The following C9 variants were observed in gnomAD, a reference collection of about 807,000 sequenced individuals.
C9 encodes complement C9.
Under a neutral mutation model 65.4 loss-of-function variants are expected in C9, and 63 were observed. That is an observed-to-expected ratio of 0.96 (90% CI 0.79 to 1.19). The LOEUF (loss-of-function observed/expected upper bound fraction) is 1.19. Among genes scored for constraint, C9 ranks in the 50% most tolerant of loss-of-function variants. The pLI, the probability that C9 is intolerant of heterozygous loss-of-function variation, is 0.00. For missense variants in C9, 744 were observed against 670.1 expected, an observed-to-expected ratio of 1.11 and a Z score of -1.22; for synonymous variants, 229 against 227.9, an observed-to-expected ratio of 1.00 and a Z score of -0.04.
At chr5:39,303,700 A>T (rs950606870) in intron 9 of C9, among the ~76,000 whole-genome samples, 7 of 152,050 alleles carry the variant, frequency 4.6e-5, no homozygotes, top group Admixed American at 1.3e-4. Flanking sequence ...TTGAGAAAAA[A>T]ATCAATTCTC....
intron 1 of C9, among the ~76,000 whole-genome samples, chr5:39,343,686 C>T (rs1754133991): frequency 6.6e-6 from 1 of 152,186 alleles, no homozygotes; most frequent in Non-Finnish European, 1.5e-5. Context: ...GTGGTTCTCC[C>T]AGCATGGAGT....
chr5:39,359,004 T>A (rs1296187249), intron 1 of C9, among the ~76,000 whole-genome samples: 2 of 63,768 alleles, frequency 3.1e-5, no homozygotes, highest in African/African-American at 1.5e-4. Context: ...AATAAATAAA[T>A]AAATAAATAA....
At chr5:39,317,578 A>G (rs1579854495) in intron 5 of C9, among the ~76,000 whole-genome samples, 1 of 152,156 alleles carries the variant, frequency 6.6e-6, no homozygotes, top group Non-Finnish European at 1.5e-5. Context: ...CAGTTCTCCC[A>G]GCACTATTTA....
intron 10 of C9, among the ~76,000 whole-genome samples, chr5:39,287,516 G>A (rs997456774): frequency 6.6e-6 from 1 of 151,910 alleles, no homozygotes; most frequent in African/African-American, 2.4e-5. Context: ...ATATTTTGAT[G>A]TGCAATAGCA....
intron 9 of C9, among the ~76,000 whole-genome samples, chr5:39,297,879 C>T (rs568319216): frequency 2.6e-5 from 4 of 151,784 alleles, no homozygotes; most frequent in African/African-American, 7.2e-5. Context: ...TACCCAACAA[C>T]AGCAGAATAC....
intron 4 of C9, among the ~76,000 whole-genome samples, chr5:39,333,488 C>G (rs566105362): frequency 6.6e-6 from 1 of 152,206 alleles, no homozygotes; most frequent in African/African-American, 2.4e-5. Context: ...AGCAGAACCA[C>G]CCAGCTGTTG....
At position 39,290,289 on chromosome 5, in the gene C9, G is replaced by A. The variant is rs376260700; in HGVS notation, c.1417-1338C>T. Among the ~76,000 whole-genome samples, 4 of 151,886 alleles carry A rather than the reference G, an allele frequency of 2.6e-5. No homozygotes were observed. The East Asian group carries it at 5.8e-4, about 22-fold the overall frequency. ...TAATGGAGATATCATAACATATACA[G>A]GGAAATTTATATGTTCACTTAATTT... On this transcript the variant is annotated intron_variant, in intron 9 of 10. Coordinates refer to ENST00000263408, the MANE Select transcript of C9 (RefSeq NM_001737.5).
intron 5 of C9, among the ~76,000 whole-genome samples, chr5:39,330,665 A>G (rs1002971448): frequency 1.3e-5 from 2 of 152,220 alleles, no homozygotes; most frequent in African/African-American, 2.4e-5. Flanking sequence ...TTAACCTGGC[A>G]TTATTGGGGA....
chr5:39,289,920 G>C (rs1386738166), intron 9 of C9, among the ~76,000 whole-genome samples: 1 of 151,838 alleles, frequency 6.6e-6, no homozygotes, highest in Non-Finnish European at 1.5e-5. Flanking sequence ...GCAACATGGA[G>C]GGACATGATC....
chr5:39,320,519 T>C (rs1753647576), intron 5 of C9, among the ~76,000 whole-genome samples: 1 of 152,122 alleles, frequency 6.6e-6, no homozygotes, highest in African/African-American at 2.4e-5. Flanking sequence ...GAAGAAGTCC[T>C]GTGGGAACTA....
intron 9 of C9, among the ~76,000 whole-genome samples, chr5:39,306,073 G>T (rs980636023): frequency 6.8e-6 from 1 of 147,574 alleles, no homozygotes; most frequent in African/African-American, 2.5e-5. Flanking sequence ...TGAGGCATGA[G>T]AATCACTTGA....
intron 8 of C9, among the ~76,000 whole-genome samples, chr5:39,308,018 T>C (rs1035234528): frequency 2.6e-5 from 4 of 152,132 alleles, no homozygotes; most frequent in African/African-American, 9.7e-5. Flanking sequence ...CCCCCTTGAG[T>C]TGTGTACTGT....
intron 1 of C9, among the ~76,000 whole-genome samples, chr5:39,348,228 C>A (rs1754246759): frequency 6.6e-6 from 1 of 152,076 alleles, no homozygotes; most frequent in Non-Finnish European, 1.5e-5. Flanking sequence ...TCAGAGCGAA[C>A]AGGCAACCTA....
chr5:39,332,706 T>C (rs1579863947), intron 4 of C9, among the ~76,000 whole-genome samples: 1 of 152,208 alleles, frequency 6.6e-6, no homozygotes, highest in African/African-American at 2.4e-5. Flanking sequence ...CACAAACTCT[T>C]CCATTGCCCT....
At chr5:39,311,097 A>C in intron 7 of C9, 40 bp downstream of exon 7, 1 of 1,607,086 alleles carries the variant, frequency 6.2e-7, no homozygotes, top group Non-Finnish European at 8.5e-7. Context: ...ATGTTTGGTC[A>C]AAACAGTATT....
At position 39,288,752 on chromosome 5, in the gene C9, C is replaced by A. The variant is rs766425993; in HGVS notation, c.1616G>T (p.Cys539Phe). The part of the protein sequence containing the change: ...ACPFKFEGIA[C>F]EISKQKISEG... ...AGAAATTTTTTGTTTACTGATTTCA[C>A]AGGCAATTCCCTCAAATTTGAATGG... Residue 539 changes from cysteine (C) to phenylalanine (F), a missense_variant, in exon 10 of 11, where the codon TGT (cysteine) becomes TTT (phenylalanine). Coordinates refer to ENST00000263408, the MANE Select transcript of C9 (RefSeq NM_001737.5). 7.4e-6 allele frequency: 12 copies of A among 1,611,006 alleles called. 1 individual carries two copies. In the South Asian group the frequency reaches 1.2e-4, roughly 16 times the overall value.
In C9 at chr5:39,353,145, G is replaced by A. The variant is rs563717884; in HGVS notation, c.78-10949C>T. 9.2e-5 allele frequency among the ~76,000 whole-genome samples: 14 copies of A among 152,340 alleles called. No homozygotes were observed. In the East Asian group the frequency reaches 2.1e-3, roughly 23 times the overall value. On this transcript the variant is annotated intron_variant, in intron 1 of 10. Transcript: ENST00000263408. ...ATGGAAGAAGAGGGCAATGAGCCAA[G>A]AAGCACAGGCAGCTGTAGAATCTGG... is the stretch of plus-strand genomic sequence containing the variant.
intron 1 of C9, among the ~76,000 whole-genome samples, chr5:39,355,271 C>G (rs1008505194): frequency 6.6e-6 from 1 of 152,162 alleles, no homozygotes; most frequent in Non-Finnish European, 1.5e-5. Context: ...CAGTCCATTA[C>G]TGGATAAATC....
intron 7 of C9, among the ~76,000 whole-genome samples, chr5:39,308,947 CT>C (rs1212620935): frequency 1.4e-4 from 21 of 152,116 alleles, no homozygotes; most frequent in Non-Finnish European, 2.4e-4. Flanking sequence ...TCCTGATCCT[CT>C]TTGGAAGACT....
Sources: allele counts gnomAD v4.1 joint callset (sites outside exome capture counted in the v4.1 genomes callset), GRCh38; gene constraint gnomAD v4.1.1; transcripts MANE v1.5; gene names NCBI Gene and HGNC (gene_info 2026-07-23, HGNC 2026-07-21).